The following LAMA2 variants were observed in gnomAD, a reference collection of about 807,000 sequenced individuals.
LAMA2 encodes laminin subunit alpha 2, also known as laminin subunit alpha-2.
In LAMA2, 269 loss-of-function variants were observed where a neutral mutation model predicts 364.8. The observed-to-expected ratio is 0.74, with a 90% CI of 0.67 to 0.82. The LOEUF (loss-of-function observed/expected upper bound fraction) is 0.82, where lower values mean the gene tolerates loss of function less well. Ranked by LOEUF, LAMA2 falls within the 40% of genes least tolerant of loss-of-function variation. The pLI is 0.00. For missense variants in LAMA2, 3,807 were observed against 3,873.2 expected (o/e 0.98, Z 0.45); for synonymous variants, 1,379 against 1,370.6 (o/e 1.01, Z -0.14).
At chr6:129,426,049 A>G (rs1400372051) in intron 40 of LAMA2, among the ~76,000 whole-genome samples, 2 of 152,096 alleles carry the variant, frequency 1.3e-5, no homozygotes, top group African/African-American at 2.4e-5. Flanking sequence ...TAAATGGCCT[A>G]TATTATCTTG....
Position 129,366,271 on chromosome 6 carries a change from G to A in LAMA2, c.4770G>A (p.Glu1590=). 6.2e-7 allele frequency: 1 copy of A among 1,613,934 alleles called. No homozygotes were observed. Among genetic ancestry groups the A allele is most frequent in the Non-Finnish European group, 8.5e-7 (1 of 1,179,950 alleles). ...TTCTCGGTGACTTGGCTCGCCTGGA[G>A]CAGATGGTCATGAGCATCAACCTCA... The part of the protein sequence containing the change: ...GLLLGDLARL[E]QMVMSINLTG... Residue 1590 remains glutamate (E), a synonymous_variant, in exon 33 of 65, where the codon GAG becomes GAA. Transcript: ENST00000421865.
chr6:129,133,960 T>C (rs1219414786), intron 4 of LAMA2, among the ~76,000 whole-genome samples: 1 of 152,196 alleles, frequency 6.6e-6, no homozygotes, highest in Non-Finnish European at 1.5e-5. Context: ...AATTTCTCTT[T>C]TAAGTTCCTG....
At chr6:129,117,531 C>T (rs574005641) in intron 4 of LAMA2, among the ~76,000 whole-genome samples, 15 of 152,258 alleles carry the variant, frequency 9.9e-5, no homozygotes, top group Admixed American at 5.9e-4. Context: ...CTTAAGCATC[C>T]GTATTTGTTG....
chr6:129,137,564 GAATA>G (rs1375158901), intron 4 of LAMA2, among the ~76,000 whole-genome samples: 10 of 151,580 alleles, frequency 6.6e-5, no homozygotes, highest in African/African-American at 1.5e-4. Context: ...TATTAGACTA[GAATA>G]AATAAATTTA....
At chr6:128,977,836 C>A (rs1355915518) in intron 1 of LAMA2, among the ~76,000 whole-genome samples, 1 of 152,148 alleles carries the variant, frequency 6.6e-6, no homozygotes, top group Non-Finnish European at 1.5e-5. Flanking sequence ...ACAATTTCAT[C>A]ACTTTTTTTT....
At chr6:129,397,938 G>GA (rs58131786) in intron 37 of LAMA2, among the ~76,000 whole-genome samples, 6,071 of 103,292 alleles carry the variant, frequency 0.059, 301 homozygotes, top group African/African-American at 0.12. Flanking sequence ...CTCCGTCTCA[G>GA]AAAAAAAAAA....
chr6:129,313,993 T>C (rs529523318), intron 23 of LAMA2, among the ~76,000 whole-genome samples: 1 of 152,222 alleles, frequency 6.6e-6, no homozygotes, highest in African/African-American at 2.4e-5. Context: ...TTCTTACAGC[T>C]TACAATAGCA....
rs113352736 is a variant in LAMA2, at chr6:129,357,865, A to T, written c.4717+4508A>T. Among the ~76,000 whole-genome samples the T allele has an allele frequency of 7.3e-3, 1,113 of 152,098 alleles. 5 individuals are homozygous for T. Among genetic ancestry groups the T allele is most frequent in the Non-Finnish European group, 0.012 (798 of 67,874 alleles). On this transcript the variant is annotated intron_variant, in intron 32 of 64. Transcript: ENST00000421865. ...CCCCTATATATGGGAGCAGAAACAA[A>T]ATAGAATGTGGTTATCACTGTAATG... is the stretch of plus-strand genomic sequence containing the variant.
intron 22 of LAMA2, among the ~76,000 whole-genome samples, chr6:129,311,314 G>C (rs574388378): frequency 6.6e-6 from 1 of 152,036 alleles, no homozygotes; most frequent in Non-Finnish European, 1.5e-5. Flanking sequence ...ATAGAGACAG[G>C]GTTTCACCAT....
Position 129,483,069 on chromosome 6 carries a change from A to C in LAMA2, c.7749+1630A>C, listed in dbSNP as rs1401465939. On this transcript the variant is annotated intron_variant, in intron 55 of 64. Coordinates refer to ENST00000421865, the MANE Select transcript of LAMA2 (RefSeq NM_000426.4). ...GCGACAATGTGAGACTCCGACTCGA[A>C]AAAAAAAAAAAAAGAAAAAGAAAAA... Among the ~76,000 whole-genome samples the C allele has an allele frequency of 1.4e-3, 210 of 147,454 alleles. 5 individuals carry two copies. Among genetic ancestry groups the C allele is most frequent in the African/African-American group, 3.9e-3 (158 of 40,614 alleles).
intron 3 of LAMA2, among the ~76,000 whole-genome samples, chr6:129,095,006 C>A (rs568811618): frequency 6.6e-6 from 1 of 152,166 alleles, no homozygotes; most frequent in Non-Finnish European, 1.5e-5. Flanking sequence ...ATAACCATAA[C>A]GTGGAAGCAC....
At chr6:129,293,057 C>A (rs1338582305) in intron 20 of LAMA2, 27 of 985,946 alleles carry the variant, frequency 2.7e-5, no homozygotes, top group Non-Finnish European at 3.3e-5. Flanking sequence ...CCTATCGGGC[C>A]CCAGCTCCGG....
intron 1 of LAMA2, among the ~76,000 whole-genome samples, chr6:128,960,586 C>G (rs922352738): frequency 7.2e-5 from 11 of 152,134 alleles, no homozygotes; most frequent in Non-Finnish European, 1.5e-4. Context: ...TCTGGAACGC[C>G]TGACCTCGGG....
intron 17 of LAMA2, among the ~76,000 whole-genome samples, chr6:129,277,093 T>A (rs1788384610): frequency 6.6e-6 from 1 of 152,176 alleles, no homozygotes; most frequent in Admixed American, 6.6e-5. Flanking sequence ...CCCCTATTTG[T>A]GGAAAATGCC....
intron 6 of LAMA2, among the ~76,000 whole-genome samples, chr6:129,148,059 C>A (rs1235818686): frequency 6.6e-6 from 1 of 152,064 alleles, no homozygotes; most frequent in African/African-American, 2.4e-5. Flanking sequence ...TTTCCACAGG[C>A]TTTACAGAGT....
intron 12 of LAMA2, among the ~76,000 whole-genome samples, chr6:129,247,443 T>C (rs960083251): frequency 2.6e-5 from 4 of 152,114 alleles, no homozygotes; most frequent in African/African-American, 9.7e-5. Context: ...AGAGCAAGAC[T>C]CTAGGTCAAA....
intron 4 of LAMA2, among the ~76,000 whole-genome samples, chr6:129,126,313 A>G (rs11751222): frequency 0.079 from 12,013 of 152,276 alleles, 593 homozygotes; most frequent in Non-Finnish European, 0.11. Context: ...TGAAATGCTA[A>G]TTATGATTTA....
chr6:129,374,909 C>T (rs1382854375), intron 34 of LAMA2, among the ~76,000 whole-genome samples: 11 of 151,780 alleles, frequency 7.2e-5, no homozygotes, highest in African/African-American at 2.7e-4. Context: ...TGTTATGCTC[C>T]TTTTTCTCTG....
At chr6:129,386,581 C>T (rs892619181) in intron 35 of LAMA2, among the ~76,000 whole-genome samples, 1 of 151,912 alleles carries the variant, frequency 6.6e-6, no homozygotes, top group African/African-American at 2.4e-5. Context: ...GTTCACCATA[C>T]AAAAATAATG....
Sources: allele counts gnomAD v4.1 joint callset (sites outside exome capture counted in the v4.1 genomes callset), GRCh38; gene constraint gnomAD v4.1.1; transcripts MANE v1.5; gene names NCBI Gene and HGNC (gene_info 2026-07-23, HGNC 2026-07-21).